Variants in SLCO2B1 observed in about 807,000 individuals in gnomAD.
SLCO2B1 encodes the protein OATP-RP2.
A neutral mutation model predicts 67.3 loss-of-function variants in SLCO2B1; 41 were observed. The ratio of observed to expected loss-of-function variants is 0.61; its 90% CI spans 0.47 to 0.79. SLCO2B1 has a LOEUF of 0.79. Among genes scored for constraint, SLCO2B1 ranks in the 30% least tolerant of loss-of-function variants. The probability of loss-of-function intolerance (pLI) is 0.00; values close to 1 mark genes in which losing one functional copy is unlikely to be tolerated. For missense variants in SLCO2B1, 837 were observed against 920.1 expected, an observed-to-expected ratio of 0.91 and a Z score of 1.17; for synonymous variants, 379 against 381.4, an observed-to-expected ratio of 0.99 and a Z score of 0.07.
At chr11:75,179,862 A>G (rs1032257036) in intron 7 of SLCO2B1, among the ~76,000 whole-genome samples, 2 of 151,122 alleles carry the variant, frequency 1.3e-5, no homozygotes, top group Non-Finnish European at 2.9e-5. Context: ...TCATCCTCCC[A>G]AGTGGCTGGG....
intron 8 of SLCO2B1, among the ~76,000 whole-genome samples, chr11:75,192,579 C>T (rs1165685347): frequency 2.0e-5 from 3 of 151,298 alleles, no homozygotes; most frequent in African/African-American, 4.9e-5. Flanking sequence ...GGAATGAATA[C>T]GTAGAGTAGA....
chr11:75,189,257 TGGC>T (rs1171285021), intron 8 of SLCO2B1, among the ~76,000 whole-genome samples: 1 of 137,100 alleles, frequency 7.3e-6, no homozygotes, highest in African/African-American at 3.3e-5. Flanking sequence ...GAGCACTGGA[TGGC>T]AGGTCAGAAG....
intron 3 of SLCO2B1, 128 bp from the exon 4 acceptor site, chr11:75,165,658 AC>A: frequency 9.3e-7 from 1 of 1,076,966 alleles, no homozygotes; most frequent in Non-Finnish European, 1.4e-6. Context: ...CAGGAGAGGG[AC>A]CCAGATGATT....
chr11:75,165,951 T>A lies in SLCO2B1; in HGVS notation c.448+2T>A. On this transcript the variant is annotated splice_donor_variant, in intron 4 of 13. Transcript: ENST00000289575. LOFTEE classifies it high-confidence loss of function. ...ACCGCTACGACAACACCAGCCCTGG[T>A]AAGAGCAGCAGGGGCTGGGCAGGAG... 1.2e-6 allele frequency: 2 copies of A among 1,613,140 alleles called. No individual in the cohort carries two copies. The highest frequency in any genetic ancestry group is 1.7e-6 in the Non-Finnish European group (2 of 1,179,362).
intron 13 of SLCO2B1, chr11:75,203,801 C>T (rs1719398544): frequency 9.8e-6 from 2 of 203,840 alleles, no homozygotes; most frequent in African/African-American, 4.7e-5. Context: ...GGGTTTCAGG[C>T]CCAGCTCTGT....
intron 11 of SLCO2B1, chr11:75,201,316 C>T (rs1397954780): frequency 6.6e-6 from 1 of 152,218 alleles, no homozygotes; most frequent in East Asian, 1.9e-4. Context: ...AGCCACCACA[C>T]TCGGCTGAGA....
At chr11:75,190,608 C>G (rs1343329766) in intron 8 of SLCO2B1, among the ~76,000 whole-genome samples, 3 of 152,156 alleles carry the variant, frequency 2.0e-5, no homozygotes, top group Admixed American at 1.3e-4. Context: ...GAGACCTGAC[C>G]TCTGTGATGG....
At chr11:75,154,289 G>A (rs1245254533) in intron 1 of SLCO2B1, among the ~76,000 whole-genome samples, 2 of 147,822 alleles carry the variant, frequency 1.4e-5, no homozygotes, top group South Asian at 2.3e-4. Flanking sequence ...ACAGGAGTTC[G>A]AGACCAGCCT....
intron 7 of SLCO2B1, among the ~76,000 whole-genome samples, chr11:75,186,461 A>G (rs1303086159): frequency 1.3e-5 from 2 of 150,972 alleles, no homozygotes; most frequent in African/African-American, 2.4e-5. Context: ...CACTGGCCTC[A>G]CCCTCCCAAA....
At chr11:75,152,768 C>T (rs1353143095) in intron 1 of SLCO2B1, among the ~76,000 whole-genome samples, 1 of 152,160 alleles carries the variant, frequency 6.6e-6, no homozygotes, top group African/African-American at 2.4e-5. Flanking sequence ...AGGAAGCTGA[C>T]CCCAGCATCT....
intron 1 of SLCO2B1, among the ~76,000 whole-genome samples, chr11:75,152,086 G>T (rs1949698331): frequency 6.6e-6 from 1 of 152,228 alleles, no homozygotes; most frequent in South Asian, 2.1e-4. Flanking sequence ...GTGGGGAGGA[G>T]GCTGGAGGAA....
chr11:75,174,404 G>A (rs936299073), intron 7 of SLCO2B1, among the ~76,000 whole-genome samples: 20 of 152,258 alleles, frequency 1.3e-4, no homozygotes, highest in African/African-American at 4.8e-4. Flanking sequence ...AAATGAGACA[G>A]CTCTGATGGT....
intron 10 of SLCO2B1, among the ~76,000 whole-genome samples, chr11:75,198,159 C>T (rs558245902): frequency 1.3e-5 from 2 of 152,318 alleles, no homozygotes; most frequent in African/African-American, 4.8e-5. Flanking sequence ...CCAGGCACCA[C>T]CTGGGCCTGA....
At position 75,193,606 on chromosome 11, in the gene SLCO2B1, G is replaced by A. The variant is rs754989961; in HGVS notation, c.1433+31G>A. The A allele has an allele frequency of 4.0e-6, 6 of 1,508,800 alleles. No individual in the cohort carries two copies. In the South Asian group the frequency reaches 7.8e-5, roughly 20 times the overall value. The allele number at this position is 1,508,800 out of a possible 1,614,324, so 93.5% of individuals were successfully genotyped here. Reference sequence around the variant, plus strand: ...TGTGTGCGTGGGCACGTAAAGGCAAGCCTGGGAGGACAGGACAGGGAGGAC... The same window carrying A: ...TGTGTGCGTGGGCACGTAAAGGCAAACCTGGGAGGACAGGACAGGGAGGAC... On this transcript the variant is annotated intron_variant, in intron 9 of 13. Coordinates refer to ENST00000289575, the MANE Select transcript of SLCO2B1 (RefSeq NM_007256.5). This position sits in a 1 kb window ranked among gnomAD's most constrained non-coding sequence, Gnocchi z 4.2.
At chr11:75,170,823 A>G (rs943034989) in intron 6 of SLCO2B1, among the ~76,000 whole-genome samples, 7 of 151,908 alleles carry the variant, frequency 4.6e-5, no homozygotes, top group African/African-American at 1.7e-4. Context: ...GGTTCCCTAG[A>G]TTTCCCTGAC....
chr11:75,173,992 G>A lies in SLCO2B1; in HGVS notation c.972+1423G>A, dbSNP rs1949995598. Among the ~76,000 whole-genome samples, 3 of 151,764 alleles carry A rather than the reference G, an allele frequency of 2.0e-5. No homozygotes were observed. The South Asian group carries it at 6.2e-4, about 32-fold the overall frequency. ...TAATTTTGTATTTTTAGTAGAGATG[G>A]CGTTTCACCATGTTGGCCAGGCTGG... is the stretch of plus-strand genomic sequence containing the variant. On this transcript the variant is annotated intron_variant, in intron 7 of 13. Transcript: ENST00000289575.
At chr11:75,155,076 G>C (rs1949731850) in intron 1 of SLCO2B1, among the ~76,000 whole-genome samples, 1 of 152,134 alleles carries the variant, frequency 6.6e-6, no homozygotes. Flanking sequence ...TCTCAGCTCA[G>C]GGTCCCTGAC....
At chr11:75,184,193 C>T (rs916721671) in intron 7 of SLCO2B1, among the ~76,000 whole-genome samples, 3 of 152,314 alleles carry the variant, frequency 2.0e-5, no homozygotes, top group Admixed American at 2.0e-4. Flanking sequence ...AGAACCATCT[C>T]TTGCGCTCCT....
intron 4 of SLCO2B1, among the ~76,000 whole-genome samples, chr11:75,167,181 G>T (rs1949903597): frequency 6.6e-6 from 1 of 152,200 alleles, no homozygotes; most frequent in African/African-American, 2.4e-5. Context: ...GGAGTTGCAG[G>T]TGGAGGGGAG....
Sources: gnomAD v4.1 joint callset for allele counts (sites outside exome capture counted in the v4.1 genomes callset) on GRCh38, gnomAD v4.1.1 for gene constraint, Gnocchi (gnomAD v3.1) non-coding constraint, MANE v1.5 for transcripts, NCBI Gene and HGNC (gene_info 2026-07-23, HGNC 2026-07-21) for gene names.